TRPV2: variants seen among roughly 807,000 people sequenced by gnomAD.
TRPV2 encodes the protein transient receptor potential cation channel subfamily V member 2.
TRPV2 carries 58 observed loss-of-function variants against 91.0 expected under a neutral mutation model. That is an observed-to-expected ratio of 0.64 (90% CI 0.52 to 0.79). The LOEUF is 0.79. TRPV2 is among the 30% of genes least tolerant of loss of function. The pLI is 0.00. For missense variants in TRPV2, 807 were observed against 969.6 expected (o/e 0.83, Z 2.23); for synonymous variants, 417 against 414.8 (o/e 1.01, Z -0.06).
intron 13 of TRPV2, 56 bp downstream of exon 13, chr17:16,433,754 G>C (rs1036054580): frequency 2.6e-5 from 42 of 1,597,142 alleles, no homozygotes; most frequent in Non-Finnish European, 3.6e-5. Flanking sequence ...AATCCCTGGG[G>C]CCCCCCTGCA....
At chr17:16,417,956 C>T in intron 2 of TRPV2, 88 bp downstream of exon 2, 2 of 1,278,950 alleles carry the variant, frequency 1.6e-6, no homozygotes, top group Admixed American at 2.2e-5. Flanking sequence ...ACTAGTCCAG[C>T]ACCAGTGCCC....
chr17:16,432,424 T>G, intron 12 of TRPV2, 124 bp downstream of exon 12: 1 of 752,986 alleles, frequency 1.3e-6, no homozygotes, highest in Non-Finnish European at 2.1e-6. Flanking sequence ...CTCTACCTTG[T>G]CAGTCTTCCT....
At chr17:16,431,934 G>T in intron 11 of TRPV2, 32 bp from the exon 12 acceptor site, 3 of 1,611,326 alleles carry the variant, frequency 1.9e-6, no homozygotes, top group Non-Finnish European at 2.5e-6. Context: ...CCGGTCTCCT[G>T]GGCTAAGGAC....
intron 11 of TRPV2, 37 bp from the exon 12 acceptor site, chr17:16,431,929 C>G: frequency 6.2e-7 from 1 of 1,611,816 alleles, no homozygotes; most frequent in Non-Finnish European, 8.5e-7. Flanking sequence ...GCCCACCGGT[C>G]TCCTGGGCTA....
At chr17:16,416,070 C>T (rs954570662) in intron 1 of TRPV2, 3 of 152,714 alleles carry the variant, frequency 2.0e-5, no homozygotes, top group African/African-American at 7.2e-5. Context: ...GCTGCTGGGG[C>T]TTGGGAGTCT....
chr17:16,421,927 T>C (rs773417349), intron 3 of TRPV2, among the ~76,000 whole-genome samples: 24 of 152,162 alleles, frequency 1.6e-4, no homozygotes, highest in Non-Finnish European at 3.4e-4. Flanking sequence ...GATAGAGACA[T>C]TAAGTGGTGG....
chr17:16,427,015 A>G, intron 7 of TRPV2, 138 bp downstream of exon 7: 2 of 963,402 alleles, frequency 2.1e-6, no homozygotes, highest in Non-Finnish European at 3.1e-6. Context: ...CCAGCACTGC[A>G]GTACTAACGG....
rs747027326 is a variant in TRPV2, at chr17:16,423,592, A to G, written c.749A>G (p.His250Arg). ...ATDSQGNTVL[H>R]ALVMISDNSA... ...GACTCCCAGGGCAACACAGTCCTGC[A>G]TGCCCTAGTGATGATCTCGGACAAC... Residue 250 changes from histidine to arginine, a missense_variant, in exon 5 of 15, where the codon CAT (histidine) becomes CGT (arginine). Coordinates refer to ENST00000338560, the MANE Select transcript of TRPV2 (RefSeq NM_016113.5). 4.2e-5 allele frequency: 68 copies of G among 1,614,032 alleles called. No homozygotes were observed. The highest frequency in any genetic ancestry group is 5.5e-5 in the Non-Finnish European group (65 of 1,179,980).
chr17:16,427,572 C>T (rs1268834921), intron 8 of TRPV2, 25 bp downstream of exon 8: 9 of 1,594,646 alleles, frequency 5.6e-6, no homozygotes, highest in Non-Finnish European at 7.7e-6. Context: ...CCTTCTCCTA[C>T]CAAGAAGCAA....
At chr17:16,425,961 G>T (rs963125307) in intron 5 of TRPV2, 138 bp from the exon 6 acceptor site, 1 of 869,468 alleles carries the variant, frequency 1.2e-6, no homozygotes, top group East Asian at 2.5e-5. Context: ...GGACCTGCGT[G>T]TATGGGGGTA....
chr17:16,434,705 A>G, intron 13 of TRPV2, 185 bp from the exon 14 acceptor site: 1 of 537,258 alleles, frequency 1.9e-6, no homozygotes. Context: ...CACCTGCCTC[A>G]CAGGACAGGG....
At chr17:16,431,291 A>ATATATATTT (rs1333090555) in intron 10 of TRPV2, among the ~76,000 whole-genome samples, 1 of 67,392 alleles carries the variant, frequency 1.5e-5, no homozygotes, top group African/African-American at 6.4e-5. Context: ...ATATATACAT[A>ATATATATTT]TTTTTTTTTT....
At position 16,417,885 on chromosome 17, in the gene TRPV2, G is replaced by A. The variant is rs1364761228; in HGVS notation, c.200+17G>A. 6.2e-7 allele frequency: 1 copy of A among 1,611,354 alleles called. No homozygotes were observed. The highest frequency in any genetic ancestry group is 8.5e-7 in the Non-Finnish European group (1 of 1,178,598). On this transcript the variant is annotated intron_variant, in intron 2 of 14. Transcript: ENST00000338560. ...AGGTGCCAGGTGAGACAGCAAGTGG[G>A]GGCAGGGCAAAGGGGGCCCCCTGCC...
Position 16,426,093 on chromosome 17 carries a change from C to G in TRPV2, c.925-6C>G, listed in dbSNP as rs768188750. ...ATGAATGCAAGCTCATATGGCCACC[C>G]TGCAGATTTTCAGGCACATCCTGCA... On this transcript the variant is annotated splice_region_variant and splice_polypyrimidine_tract_variant and intron_variant, in intron 5 of 14. Transcript: ENST00000338560. This position sits in a 1 kb window ranked among gnomAD's most constrained non-coding sequence, Gnocchi z 6.0. 1.2e-6 allele frequency: 2 copies of G among 1,614,130 alleles called. No individual in the cohort carries two copies. Among genetic ancestry groups the G allele is most frequent in the Non-Finnish European group, 1.7e-6 (2 of 1,179,968 alleles).
chr17:16,436,835 G>C lies in TRPV2; in HGVS notation c.2241G>C (p.Glu747Asp). The C allele has an allele frequency of 6.2e-7, 1 of 1,614,116 alleles. No homozygotes were observed. Among genetic ancestry groups the C allele is most frequent in the African/African-American group, 1.3e-5 (1 of 75,038 alleles). The change falls in exon 15 of 15, where the codon GAG becomes GAC. Residue 747 changes from glutamate (E) to aspartate (D), a missense_variant. Coordinates refer to ENST00000338560, the MANE Select transcript of TRPV2 (RefSeq NM_016113.5). The part of the protein sequence containing the change: ...PVLASPPKED[E>D]DGASEENYVP... ...TGGCTTCCCCTCCCAAGGAGGATGA[G>C]GATGGTGCCTCTGAGGAAAACTATG...
intron 3 of TRPV2, among the ~76,000 whole-genome samples, chr17:16,421,994 T>G (rs1034699980): frequency 6.6e-6 from 1 of 152,010 alleles, no homozygotes; most frequent in Non-Finnish European, 1.5e-5. Context: ...TCACGAATGA[T>G]GACTTATGTC....
In TRPV2 at chr17:16,433,138, C is replaced by T. The variant is rs180831201; in HGVS notation, c.1990-436C>T. 3.0e-4 allele frequency: 48 copies of T among 158,232 alleles called. 1 individual carries two copies. Among genetic ancestry groups the T allele is most frequent in the Admixed American group, 2.9e-3 (47 of 16,064 alleles). The allele number at this position is 158,232 out of a possible 1,614,324, so 9.8% of individuals were successfully genotyped here. ...AATTCATTGTTGATCTTGGGGAAGC[C>T]CCTTATCTCCTCTGAGCCTTGGTGC... On this transcript the variant is annotated intron_variant, in intron 12 of 14. Transcript: ENST00000338560.
In TRPV2 at chr17:16,426,714, C is replaced by A. The variant is rs1457642290; in HGVS notation, c.1096-8C>A. On this transcript the variant is annotated splice_region_variant and splice_polypyrimidine_tract_variant and intron_variant, in intron 6 of 14. Transcript: ENST00000338560. The surrounding 1 kb of genome is among the most constrained non-coding windows in gnomAD (Gnocchi z 6.0). ...AGTGTACCCATGGCTCTCCCCTCCC[C>A]ACCCCAGCACCGACACCGAATGGTC... 1.9e-6 allele frequency: 3 copies of A among 1,610,836 alleles called. No individual in the cohort carries two copies. The highest frequency in any genetic ancestry group is 2.5e-6 in the Non-Finnish European group (3 of 1,178,404).
rs151166887 is a variant in TRPV2, at chr17:16,428,857, T to G, written c.1462T>G (p.Cys488Gly). 2 of 1,613,820 alleles carry G rather than the reference T, an allele frequency of 1.2e-6. No homozygotes were observed. The highest frequency in any genetic ancestry group is 1.7e-6 in the Non-Finnish European group (2 of 1,180,020). ...GCTCACAGTGGTGTCCCAGGTGCTG[T>G]GTTTCCTGGCCATCGAGTGGTACCT... is the stretch of plus-strand genomic sequence containing the variant. The part of the protein sequence containing the change: ...ALLTVVSQVL[C>G]FLAIEWYLPL... Residue 488 changes from cysteine (C) to glycine (G), a missense_variant, in exon 10 of 15, where the codon TGT becomes GGT. Cys to Gly is a radical substitution (Grantham distance 159, BLOSUM62 -3). Coordinates refer to ENST00000338560, the MANE Select transcript of TRPV2 (RefSeq NM_016113.5).
Sources: allele counts gnomAD v4.1 joint callset (sites outside exome capture counted in the v4.1 genomes callset), GRCh38; gene constraint gnomAD v4.1.1; non-coding constraint Gnocchi (gnomAD v3.1); transcripts MANE v1.5; gene names NCBI Gene and HGNC (gene_info 2026-07-23, HGNC 2026-07-21).